Variants in TDRKH observed in about 807,000 individuals in gnomAD.
TDRKH encodes the protein tudor and KH domain containing.
Under a neutral mutation model 61.3 loss-of-function variants are expected in TDRKH, and 28 were observed. The observed-to-expected ratio is 0.46, with a 90% CI of 0.34 to 0.63. The LOEUF (loss-of-function observed/expected upper bound fraction) is 0.63. Ranked by LOEUF, TDRKH falls within the 20% of genes least tolerant of loss-of-function variation. The pLI is 0.01. For synonymous variants in TDRKH, 219 were observed against 244.4 expected, an observed-to-expected ratio of 0.90 and a Z score of 0.97; for missense variants, 540 against 683.4, an observed-to-expected ratio of 0.79 and a Z score of 2.34.
intron 4 of TDRKH, chr1:151,779,610 G>A (rs760433187): frequency 1.3e-5 from 5 of 374,888 alleles, no homozygotes; most frequent in African/African-American, 4.1e-5. Flanking sequence ...CAATGCTCTA[G>A]GGGAAAGCAT....
intron 1 of TDRKH, among the ~76,000 whole-genome samples, chr1:151,788,770 G>A (rs182727331): frequency 1.1e-3 from 165 of 152,264 alleles, no homozygotes; most frequent in Non-Finnish European, 2.1e-3. Flanking sequence ...CAGCACTTTT[G>A]TTTTCCAGTT....
rs1409314315 is a variant in TDRKH at position 151,775,492 on chromosome 1, CAATG to C, written c.1330_1333del (p.His444ValfsTer8). 2 of 1,613,938 alleles carry C rather than the reference CAATG, an allele frequency of 1.2e-6. No individual in the cohort carries two copies. The highest frequency in any genetic ancestry group is 8.5e-7 in the Non-Finnish European group (1 of 1,179,994). ...GGCTACCAGAGGCTTCCAGTCAGCA[CAATG>C]AGTGAGTCTATCAAACTCATCCAAA... On this transcript the variant is annotated frameshift_variant, in exon 10 of 13. Transcript: ENST00000368824. LOFTEE classifies it high-confidence loss of function.
At chr1:151,766,558 G>A (rs1291298745), downstream of TDRKH, 1 of 679,150 alleles carries the variant, frequency 1.5e-6, no homozygotes, top group Non-Finnish European at 2.5e-6. Flanking sequence ...TTGGATAAGG[G>A]ATTAGGGTAG....
rs558045476 is a variant in TDRKH at position 151,775,214 on chromosome 1, G to A, written c.1435-48C>T. 3.1e-6 allele frequency: 5 copies of A among 1,600,240 alleles called. No individual in the cohort carries two copies. In the African/African-American group the frequency reaches 6.7e-5, roughly 21 times the overall value. ...AATGATGTTCTCTCAGTAAGCAAGG[G>A]CAAATTTGAGGAAACAAGGCAGAAG... On this transcript the variant is annotated intron_variant, in intron 10 of 12. Transcript: ENST00000368824.
chr1:151,778,609 T>G, intron 6 of TDRKH, 76 bp downstream of exon 6: 4 of 1,599,504 alleles, frequency 2.5e-6, no homozygotes, highest in Non-Finnish European at 3.4e-6. Flanking sequence ...TGAGAAGGCA[T>G]TCCTTCTAAT....
Position 151,780,119 on chromosome 1 carries a change from G to C in TDRKH, c.253C>G (p.Arg85Gly). ...IKQLRKQTGA[R>G]IDVDTEDVGD... is the part of the protein sequence containing the mutation. ...ACATCCTCTGTGTCCACATCAATCC[G>C]AGCACCTGTCTGTTTCCGCAGCTGC... Residue 85 changes from arginine to glycine, a missense_variant, in exon 4 of 13, where the codon CGG becomes GGG. This residue lies in a region of TDRKH where 156 missense variants were observed against 218.0 expected (regional missense o/e 0.72). Transcript: ENST00000368824. 6.2e-7 allele frequency: 1 copy of C among 1,612,070 alleles called. No homozygotes were observed. Among genetic ancestry groups the C allele is most frequent in the South Asian group, 1.1e-5 (1 of 90,996 alleles).
Position 151,781,599 on chromosome 1 carries a change from A to T in TDRKH, c.125-12T>A. 1 of 1,611,246 alleles carries T rather than the reference A, an allele frequency of 6.2e-7. No homozygotes were observed. The highest frequency in any genetic ancestry group is 1.1e-5 in the South Asian group (1 of 90,848). On this transcript the variant is annotated splice_polypyrimidine_tract_variant and intron_variant, in intron 2 of 12. Coordinates refer to ENST00000368824, the MANE Select transcript of TDRKH (RefSeq NM_001083965.2). ...TGTCAGCCGCTCTTCTGCACAGATC[A>T]TTGTTCATCAGATCAGACTTAGATA...
chr1:151,771,201 G>A (rs746004275), downstream of TDRKH: 1 of 1,613,542 alleles, frequency 6.2e-7, no homozygotes, highest in South Asian at 1.1e-5. Flanking sequence ...TTGGCCACCT[G>A]CCCAGTGAGC....
chr1:151,778,790 C>T lies in TDRKH; in HGVS notation c.778G>A (p.Asp260Asn), dbSNP rs201963923. Reference sequence around the variant, plus strand: ...TCCTTTGACACTACCACAGCCATGTCGCCTCCTCCTTTGGGTGGAGGAGTC... The same window carrying T: ...TCCTTTGACACTACCACAGCCATGTTGCCTCCTCCTTTGGGTGGAGGAGTC... ...LVTPPPKGGG[D>N]MAVVVSKEGS... The change falls in exon 6 of 13, where the codon GAC becomes AAC. Residue 260 changes from aspartate to asparagine, a missense_variant. Asp to Asn is a conservative substitution (Grantham distance 23). This residue lies in a region of TDRKH where 379 missense variants were observed against 443.8 expected (regional missense o/e 0.85). Coordinates refer to ENST00000368824, the MANE Select transcript of TDRKH (RefSeq NM_001083965.2). 1.7e-4 allele frequency: 267 copies of T among 1,614,090 alleles called. No homozygotes were observed. The highest frequency in any genetic ancestry group is 2.1e-4 in the Non-Finnish European group (243 of 1,180,060).
intron 2 of TDRKH, chr1:151,782,037 A>ATATATAAAAAAGATGAG (rs780033749): frequency 4.2e-5 from 19 of 449,756 alleles, no homozygotes; most frequent in South Asian, 3.0e-4. Flanking sequence ...GAGAAAAGGA[A>ATATATAAAAAAGATGAG]TATATAAAAA....
At chr1:151,787,833 A>G in intron 1 of TDRKH, among the ~76,000 whole-genome samples, 1 of 150,282 alleles carries the variant, frequency 6.7e-6, no homozygotes, top group African/African-American at 2.5e-5. Flanking sequence ...AAAAAAAAAA[A>G]AAAAAATTAG....
At chr1:151,766,799 C>T (rs766210720), downstream of TDRKH, 75 of 1,596,442 alleles carry the variant, frequency 4.7e-5, no homozygotes, top group Non-Finnish European at 6.3e-5. Flanking sequence ...ACTACCTCTA[C>T]CCGATCTGGT....
downstream of TDRKH, among the ~76,000 whole-genome samples, chr1:151,772,344 G>A (rs956793994): frequency 2.6e-5 from 4 of 151,880 alleles, no homozygotes; most frequent in East Asian, 1.9e-4. Flanking sequence ...TGCCCGCCTC[G>A]GCCTCCCAAA....
At chr1:151,773,294 T>C (rs921479093), downstream of TDRKH, among the ~76,000 whole-genome samples, 1 of 152,212 alleles carries the variant, frequency 6.6e-6, no homozygotes, top group Non-Finnish European at 1.5e-5. Context: ...GCGCTGGGAT[T>C]ACAGGTGTGA....
chr1:151,772,286 T>C (rs1253779679), downstream of TDRKH, among the ~76,000 whole-genome samples: 1 of 17,034 alleles, frequency 5.9e-5, no homozygotes, highest in South Asian at 1.8e-3. Context: ...TATTTACGGG[T>C]TTCAGCATGG....
chr1:151,783,497 T>C (rs1451114548), intron 1 of TDRKH: 1 of 152,394 alleles, frequency 6.6e-6, no homozygotes, highest in Non-Finnish European at 1.5e-5. Context: ...ATTTACTGTC[T>C]CTACTTTTGG....
intron 2 of TDRKH, chr1:151,782,683 T>C (rs914964254): frequency 8.7e-5 from 27 of 310,506 alleles, no homozygotes; most frequent in Non-Finnish European, 1.2e-4. Context: ...GGTGGGAGGA[T>C]TGCTTGAGCC....
rs1457079944 is a variant in TDRKH, at chr1:151,782,992, G to C, written c.31C>G (p.Leu11Val). 3 of 1,613,626 alleles carry C rather than the reference G, an allele frequency of 1.9e-6. No homozygotes were observed. The highest frequency in any genetic ancestry group is 2.7e-5 in the African/African-American group (2 of 74,876). The change falls in exon 2 of 13, where the codon CTG becomes GTG. Residue 11 changes from leucine to valine, a missense_variant. This residue lies in a region of TDRKH where 156 missense variants were observed against 218.0 expected (regional missense o/e 0.72). Transcript: ENST00000368824. ...AGGGCTATTTTCTGAATGGTGGACA[G>C]GCTTGTCCAAGAAGTCCGTTCAGTA... MSTERTSWTSLSTIQKIALGL... is the reference protein window; with the variant it reads MSTERTSWTSVSTIQKIALGL...
In TDRKH at chr1:151,783,037, T is replaced by C. The variant is rs775020554; in HGVS notation, c.-15A>G. The stretch of plus-strand genomic sequence containing the variant: ...TCAGTAGACATTTTCTGCTGTACTC[T>C]TTGACTTATATCCTGAAACAAGCAA... On this transcript the variant is annotated 5_prime_UTR_variant, in exon 2 of 13. Transcript: ENST00000368824. 1 of 1,609,470 alleles carries C rather than the reference T, an allele frequency of 6.2e-7. No homozygotes were observed. Among genetic ancestry groups the C allele is most frequent in the Non-Finnish European group, 8.5e-7 (1 of 1,178,300 alleles).
Sources: allele counts gnomAD v4.1 joint callset (sites outside exome capture counted in the v4.1 genomes callset), GRCh38; gene constraint gnomAD v4.1.1; regional missense constraint gnomAD v4.1.1; transcripts MANE v1.5; gene names NCBI Gene and HGNC (gene_info 2026-07-23, HGNC 2026-07-21).